Variants in SDC4 observed in about 807,000 individuals in gnomAD.
The protein encoded by SDC4 is syndecan 4.
In SDC4, 17 loss-of-function variants were observed where a neutral mutation model predicts 20.5. The ratio of observed to expected loss-of-function variants is 0.83; its 90% CI spans 0.57 to 1.25. SDC4 has a LOEUF of 1.25. Ranked by LOEUF, SDC4 falls within the 50% of genes most tolerant of loss-of-function variation. The pLI is 0.00. For missense variants in SDC4, 241 were observed against 252.3 expected, an observed-to-expected ratio of 0.96 and a Z score of 0.30; for synonymous variants, 107 against 105.3, an observed-to-expected ratio of 1.02 and a Z score of -0.10.
rs752796011 is a variant in SDC4 at position 45,330,393 on chromosome 20, T to C, written c.418A>G (p.Ile140Val). Residue 140 changes from isoleucine (I) to valine (V), a missense_variant, in exon 4 of 5, where the codon ATC becomes GTC. Ile to Val is a conservative substitution (Grantham distance 29). Transcript: ENST00000372733. The stretch of plus-strand genomic sequence containing the variant: ...GCCAGGACCTCCGTTCTCTCAAAGA[T>C]GTTGCTGCCCTGCACAGTGCTGGAC... ...SMSSTVQGSN[I>V]FERTEVLAAL... is the part of the protein sequence containing the mutation. 3 of 1,614,204 alleles carry C rather than the reference T, an allele frequency of 1.9e-6. No homozygotes were observed. The highest frequency in any genetic ancestry group is 2.5e-6 in the Non-Finnish European group (3 of 1,180,030).
chr20:45,335,315 C>A (rs780789060), intron 2 of SDC4, among the ~76,000 whole-genome samples: 2 of 152,058 alleles, frequency 1.3e-5, no homozygotes, highest in African/African-American at 4.8e-5. Flanking sequence ...GTAGCTGGGA[C>A]TCCTACAGGT....
At position 45,348,398 on chromosome 20, in the gene SDC4, G is replaced by C; in HGVS notation, c.-14C>G. ...GGCGGGGGCCATGGCACCGCGGACT[G>C]GAGAAGGCGCGCAGGCTGCGGCGAG... is the stretch of plus-strand genomic sequence containing the variant. On this transcript the variant is annotated 5_prime_UTR_variant, in exon 1 of 5. Transcript: ENST00000372733. The C allele has an allele frequency of 6.4e-7, 1 of 1,556,462 alleles. No homozygotes were observed. Among genetic ancestry groups the C allele is most frequent in the South Asian group, 1.2e-5 (1 of 85,016 alleles).
rs1215216625 is a variant in SDC4, at chr20:45,348,345, CGAA to C, written c.37_39del (p.Phe13del). 7 of 1,592,786 alleles carry C rather than the reference CGAA, an allele frequency of 4.4e-6. No individual in the cohort carries two copies. The African/African-American group carries it at 6.7e-5, about 15-fold the overall frequency. On this transcript the variant is annotated inframe_deletion, in exon 1 of 5. Transcript: ENST00000372733. ...CCCACCGACTCGGCGACTCCGCCTA[CGAA>C]GAACAGCAGCAGCGCGAACAGACGG...
At position 45,330,469 on chromosome 20, in the gene SDC4, C is replaced by G; in HGVS notation, c.342G>C (p.Lys114Asn). The part of the protein sequence containing the change: ...KKLEENEVIP[K>N]RISPVEESED... ...CACTCTCTTCAACGGGTGAGATTCT[C>G]TTGGGGATAACCTCATTCTCCTCTA... Residue 114 changes from lysine (K) to asparagine (N), a missense_variant, in exon 4 of 5, where the codon AAG becomes AAC. Transcript: ENST00000372733. 1 of 1,614,240 alleles carries G rather than the reference C, an allele frequency of 6.2e-7. No homozygotes were observed. The highest frequency in any genetic ancestry group is 8.5e-7 in the Non-Finnish European group (1 of 1,180,048).
intron 2 of SDC4, among the ~76,000 whole-genome samples, chr20:45,333,406 C>T (rs1204465698): frequency 2.6e-5 from 4 of 152,226 alleles, no homozygotes; most frequent in African/African-American, 4.8e-5. Context: ...CGGTGGCTCA[C>T]GCCTGTAATC....
chr20:45,330,535 C>T lies in SDC4; in HGVS notation c.276G>A (p.Arg92=). 6.2e-7 allele frequency: 1 copy of T among 1,614,066 alleles called. No homozygotes were observed. The highest frequency in any genetic ancestry group is 1.1e-5 in the South Asian group (1 of 91,060). ...LVPLDNHIPE[R]AGSGSQVPTE... is the part of the protein sequence containing the mutation. ...TGGGGACTTGGCTCCCAGACCCTGC[C>T]CTCTCAGGGATATGGTTATCTAGAG... is the stretch of plus-strand genomic sequence containing the variant. The change falls in exon 4 of 5, where the codon AGG becomes AGA. Residue 92 remains arginine (R), a synonymous_variant. Transcript: ENST00000372733.
At chr20:45,334,924 A>C (rs1371985837) in intron 2 of SDC4, among the ~76,000 whole-genome samples, 2 of 152,246 alleles carry the variant, frequency 1.3e-5, no homozygotes, top group Non-Finnish European at 2.9e-5. Context: ...AGAAAACTGA[A>C]GCTCAGTTCA....
At position 45,343,967 on chromosome 20, in the gene SDC4, G is replaced by T. The variant is rs552737046; in HGVS notation, c.60+4358C>A. Among the ~76,000 whole-genome samples, 4 of 152,296 alleles carry T rather than the reference G, an allele frequency of 2.6e-5. 1 individual carries two copies. Among genetic ancestry groups the T allele is most frequent in the Middle Eastern group, 6.8e-3 (2 of 294 alleles). On this transcript the variant is annotated intron_variant, in intron 1 of 4. Coordinates refer to ENST00000372733, the MANE Select transcript of SDC4 (RefSeq NM_002999.4). ...ATGTAGCCAGTAAGAGGTGGACTTC[G>T]CACGTCTGGAGTTAAGTCTGTGTAA...
At chr20:45,334,343 A>C (rs1987828773) in intron 2 of SDC4, among the ~76,000 whole-genome samples, 1 of 151,942 alleles carries the variant, frequency 6.6e-6, no homozygotes. Flanking sequence ...CTTTTGAGAA[A>C]GAAAACTCTA....
intron 1 of SDC4, 112 bp downstream of exon 1, chr20:45,348,213 G>T: frequency 9.9e-7 from 1 of 1,013,596 alleles, no homozygotes; most frequent in Non-Finnish European, 1.5e-6. Context: ...GTGTCCGGTT[G>T]GGGGTAGCGT....
At chr20:45,332,921 C>T in intron 3 of SDC4, 102 bp downstream of exon 3, 1 of 1,120,086 alleles carries the variant, frequency 8.9e-7, no homozygotes, top group Non-Finnish European at 1.3e-6. Flanking sequence ...TGGGGTAAGA[C>T]CCCTCACTTA....
intron 1 of SDC4, among the ~76,000 whole-genome samples, chr20:45,339,387 G>T (rs1476330261): frequency 1.3e-5 from 2 of 152,194 alleles, no homozygotes; most frequent in African/African-American, 4.8e-5. Flanking sequence ...ACATGCACAG[G>T]CACCCTCTCT....
At chr20:45,331,855 C>G (rs539862686) in intron 3 of SDC4, among the ~76,000 whole-genome samples, 5 of 152,312 alleles carry the variant, frequency 3.3e-5, no homozygotes, top group African/African-American at 1.2e-4. Flanking sequence ...AACATATAAT[C>G]AAGAAATAAC....
In SDC4 at chr20:45,327,433, G is replaced by GA. The variant is rs1987710184; in HGVS notation, c.446-19dup. The GA allele has an allele frequency of 6.2e-7, 1 of 1,608,688 alleles. No individual in the cohort carries two copies. Among genetic ancestry groups the GA allele is most frequent in the East Asian group, 2.2e-5 (1 of 44,718 alleles). On this transcript the variant is annotated intron_variant, in intron 4 of 4. Transcript: ENST00000372733. The stretch of plus-strand genomic sequence containing the variant: ...AATCAGAGCTGGAGAGGAGGAGAGA[G>GA]AAGAGGCGGGGGTGAGAGCTCCTCA...
chr20:45,335,671 A>T, intron 2 of SDC4, 111 bp downstream of exon 2: 1 of 1,154,602 alleles, frequency 8.7e-7, no homozygotes, highest in Non-Finnish European at 1.2e-6. Flanking sequence ...AGGGCACTCT[A>T]GGAAAAGTCC....
intron 1 of SDC4, among the ~76,000 whole-genome samples, chr20:45,343,905 G>A (rs116405689): frequency 0.016 from 2,449 of 152,328 alleles, 67 homozygotes; most frequent in African/African-American, 0.056. Context: ...CAGACCAGGA[G>A]GCTGGGGCTC....
chr20:45,339,966 T>C (rs11905122), intron 1 of SDC4, among the ~76,000 whole-genome samples: 13,291 of 152,096 alleles, frequency 0.087, 1,946 homozygotes, highest in African/African-American at 0.3. Context: ...AGACAAGGGA[T>C]TTTGCCAAGG....
chr20:45,334,017 CAG>C (rs1425796396), intron 2 of SDC4, among the ~76,000 whole-genome samples: 19 of 148,004 alleles, frequency 1.3e-4, no homozygotes, highest in African/African-American at 4.8e-4. Context: ...TTTTTTGAGA[CAG>C]AGTCTCTCTC....
chr20:45,342,073 G>GA (rs1987959904), intron 1 of SDC4, among the ~76,000 whole-genome samples: 1 of 152,228 alleles, frequency 6.6e-6, no homozygotes. Context: ...GAGGTGCATT[G>GA]AAGTTGGAGC....
Sources: allele counts gnomAD v4.1 joint callset (sites outside exome capture counted in the v4.1 genomes callset), GRCh38; gene constraint gnomAD v4.1.1; transcripts MANE v1.5; gene names NCBI Gene and HGNC (gene_info 2026-07-23, HGNC 2026-07-21).